The following FSTL5 variants were observed in gnomAD, a reference collection of about 807,000 sequenced individuals.
The protein encoded by FSTL5 is follistatin-related protein 5.
In FSTL5, 62 loss-of-function variants were observed where a neutral mutation model predicts 89.1. The observed-to-expected ratio is 0.70, with a 90% CI of 0.57 to 0.86. The LOEUF is 0.86. Among genes scored for constraint, FSTL5 ranks in the 40% least tolerant of loss-of-function variants. The pLI, the probability that FSTL5 is intolerant of heterozygous loss-of-function variation, is 0.00. For missense variants in FSTL5, 1,057 were observed against 1,001.6 expected (o/e 1.06, Z -0.75); for synonymous variants, 383 against 346.2 (o/e 1.11, Z -1.18).
At chr4:162,005,905 C>G (rs1379504070) in intron 3 of FSTL5, among the ~76,000 whole-genome samples, 1 of 152,074 alleles carries the variant, frequency 6.6e-6, no homozygotes, top group Non-Finnish European at 1.5e-5. Context: ...ACTGCCTCTT[C>G]TGCTACCACA....
At chr4:161,784,038 C>T (rs749335069) in intron 4 of FSTL5, among the ~76,000 whole-genome samples, 3 of 151,586 alleles carry the variant, frequency 2.0e-5, no homozygotes, top group African/African-American at 7.3e-5. Flanking sequence ...CAGATTCCAG[C>T]TATTCCCCTG....
intron 6 of FSTL5, among the ~76,000 whole-genome samples, chr4:161,741,815 G>A (rs1163804245): frequency 6.6e-6 from 1 of 151,718 alleles, no homozygotes; most frequent in South Asian, 2.1e-4. Flanking sequence ...AGCCCCCTGA[G>A]TAGCTGGGAC....
intron 6 of FSTL5, among the ~76,000 whole-genome samples, chr4:161,750,234 T>A (rs180764502): frequency 2.6e-4 from 39 of 152,298 alleles, no homozygotes; most frequent in Admixed American, 6.5e-4. Context: ...AAATTTTAGA[T>A]AGAGAAGTCA....
At chr4:162,096,182 C>T (rs1205996254) in intron 2 of FSTL5, among the ~76,000 whole-genome samples, 2 of 151,790 alleles carry the variant, frequency 1.3e-5, no homozygotes, top group Non-Finnish European at 2.9e-5. Context: ...TTTGAATCAT[C>T]CTCAATTTTT....
rs200150277 is a variant in FSTL5, at chr4:161,510,398, C to A, written c.1339G>T (p.Gly447Cys). ...ACATAAAAATAATTCAACTTAGTACCTTCTTCTCTCCATAATATGTTAGCT... is the reference window on the plus strand; with the variant it reads ...ACATAAAAATAATTCAACTTAGTACATTCTTCTCTCCATAATATGTTAGCT... The part of the protein sequence containing the change: ...TLANILWREE[G>C]LGIGNMFYVF... Residue 447 changes from glycine (G) to cysteine (C), a missense_variant and splice_region_variant, in exon 11 of 16, where the codon GGT (glycine) becomes TGT (cysteine). Coordinates refer to ENST00000306100, the MANE Select transcript of FSTL5 (RefSeq NM_020116.5). The A allele has an allele frequency of 2.0e-6, 3 of 1,531,530 alleles. No homozygotes were observed. The highest frequency in any genetic ancestry group is 2.6e-6 in the Non-Finnish European group (3 of 1,138,522). 94.9% of individuals were successfully genotyped at this position (1,531,530 alleles called of 1,614,324 possible).
intron 5 of FSTL5, among the ~76,000 whole-genome samples, chr4:161,774,258 C>T (rs975895863): frequency 6.6e-6 from 1 of 152,034 alleles, no homozygotes; most frequent in African/African-American, 2.4e-5. Context: ...CAAGGGAAGG[C>T]TTAGGGCCAC....
At chr4:162,008,322 C>T (rs2170731) in intron 3 of FSTL5, among the ~76,000 whole-genome samples, 10,093 of 151,720 alleles carry the variant, frequency 0.067, 449 homozygotes, top group East Asian at 0.19. Flanking sequence ...GCCAAAGAAC[C>T]ATAGGCATAG....
chr4:161,485,793 C>T (rs1017784420), intron 12 of FSTL5, among the ~76,000 whole-genome samples: 2 of 151,772 alleles, frequency 1.3e-5, no homozygotes, highest in Non-Finnish European at 2.9e-5. Flanking sequence ...AAAGAGTAAA[C>T]GTATGGACTT....
chr4:161,395,907 T>G (rs1253625527), intron 15 of FSTL5, among the ~76,000 whole-genome samples: 1 of 152,048 alleles, frequency 6.6e-6, no homozygotes, highest in African/African-American at 2.4e-5. Flanking sequence ...AAATACTAGA[T>G]TGTTATAACA....
At chr4:162,162,517 GACC>G (rs1215680998) in intron 1 of FSTL5, among the ~76,000 whole-genome samples, 1 of 151,936 alleles carries the variant, frequency 6.6e-6, no homozygotes, top group African/African-American at 2.4e-5. Context: ...ATAAATGAGA[GACC>G]ACAATTCCAT....
intron 6 of FSTL5, among the ~76,000 whole-genome samples, chr4:161,677,802 A>G (rs563131843): frequency 6.6e-6 from 1 of 152,026 alleles, no homozygotes; most frequent in Admixed American, 6.6e-5. Context: ...GATCTTTCAA[A>G]CTTATTTTGC....
chr4:161,606,409 T>G (rs1161949801), intron 7 of FSTL5, among the ~76,000 whole-genome samples: 2 of 151,784 alleles, frequency 1.3e-5, no homozygotes, highest in African/African-American at 4.8e-5. Flanking sequence ...TTTTTTGTAT[T>G]TTAATAGAGA....
chr4:162,080,635 C>G (rs185234216), intron 2 of FSTL5, among the ~76,000 whole-genome samples: 64 of 151,666 alleles, frequency 4.2e-4, no homozygotes, highest in African/African-American at 1.4e-3. Flanking sequence ...TTCACTATTT[C>G]CTTGTATGAC....
intron 4 of FSTL5, among the ~76,000 whole-genome samples, chr4:161,804,586 A>G (rs1242372646): frequency 6.6e-6 from 1 of 151,834 alleles, no homozygotes; most frequent in African/African-American, 2.4e-5. Flanking sequence ...TTATATAATT[A>G]TTAAAATATG....
intron 1 of FSTL5, among the ~76,000 whole-genome samples, chr4:162,138,720 C>A (rs1180704364): frequency 6.6e-6 from 1 of 151,804 alleles, no homozygotes; most frequent in Non-Finnish European, 1.5e-5. Flanking sequence ...TACTTGTTTA[C>A]AAAGAAAATC....
At chr4:161,407,162 C>T (rs541519369) in intron 15 of FSTL5, among the ~76,000 whole-genome samples, 15 of 152,192 alleles carry the variant, frequency 9.9e-5, no homozygotes, top group East Asian at 9.7e-4. Context: ...ATTATTGTCA[C>T]GAATTGTACA....
chr4:161,949,086 T>A (rs531965395), intron 3 of FSTL5, among the ~76,000 whole-genome samples: 19 of 152,204 alleles, frequency 1.2e-4, no homozygotes, highest in African/African-American at 4.6e-4. Flanking sequence ...GAGAATCTGT[T>A]TCCTTCCCTT....
chr4:161,741,884 C>A (rs1368177358), intron 6 of FSTL5, among the ~76,000 whole-genome samples: 1 of 151,740 alleles, frequency 6.6e-6, no homozygotes, highest in Non-Finnish European at 1.5e-5. Context: ...GACGGTTTCA[C>A]CACGTTGCCC....
At chr4:161,908,531 A>C (rs1472642357) in intron 4 of FSTL5, among the ~76,000 whole-genome samples, 1 of 152,030 alleles carries the variant, frequency 6.6e-6, no homozygotes, top group Admixed American at 6.6e-5. Context: ...ATGTTTCTCA[A>C]TTTTTAAAAT....
Sources: gnomAD v4.1 joint callset for allele counts (sites outside exome capture counted in the v4.1 genomes callset) on GRCh38, gnomAD v4.1.1 for gene constraint, MANE v1.5 for transcripts, NCBI Gene and HGNC (gene_info 2026-07-23, HGNC 2026-07-21) for gene names.